The following SYNCRIP variants were observed in gnomAD, a reference collection of about 807,000 sequenced individuals.
SYNCRIP encodes the protein synaptotagmin binding cytoplasmic RNA interacting protein.
SYNCRIP carries 9 observed loss-of-function variants against 68.9 expected under a neutral mutation model. That is an observed-to-expected ratio of 0.13 (90% CI 0.08 to 0.23). SYNCRIP has a LOEUF of 0.23. Among genes scored for constraint, SYNCRIP ranks in the 10% least tolerant of loss-of-function variants. The pLI, the probability that SYNCRIP is intolerant of heterozygous loss-of-function variation, is 1.00. For synonymous variants in SYNCRIP, 258 were observed against 254.0 expected (o/e 1.02, Z -0.15); for missense variants, 414 against 770.6 (o/e 0.54, Z 5.48).
In SYNCRIP at chr6:85,641,385, A is replaced by T. The variant is rs749477779; in HGVS notation, c.55T>A (p.Ser19Thr). 11 of 1,613,102 alleles carry T rather than the reference A, an allele frequency of 6.8e-6. No individual in the cohort carries two copies. The highest frequency in any genetic ancestry group is 1.3e-5 in the African/African-American group (1 of 75,048). ...NGTEEPMDTT[S>T]AVIHSENFQT... is the part of the protein sequence containing the mutation. The stretch of plus-strand genomic sequence containing the variant: ...AAATTTTCTGAATGGATAACTGCAG[A>T]AGTAGTATCCATGGGCTCTTCAGTA... Residue 19 changes from serine to threonine, a missense_variant, in exon 2 of 11, where the codon TCT (serine) becomes ACT (threonine). Physicochemically the swap from Ser to Thr is moderately conservative, Grantham distance 58 (BLOSUM62 1). Coordinates refer to ENST00000369622, the MANE Select transcript of SYNCRIP (RefSeq NM_006372.5).
In SYNCRIP at chr6:85,629,516, C is replaced by CAAA. The variant is rs781083306; in HGVS notation, c.667-5407_667-5405dup. Among the ~76,000 whole-genome samples, 772 of 64,872 alleles carry CAAA rather than the reference C, an allele frequency of 0.012. 33 individuals are homozygous for CAAA. In the East Asian group the frequency reaches 0.12, roughly 10 times the overall value. 42.6% of individuals were successfully genotyped at this position (64,872 alleles called of 152,430 possible). A position where few individuals can be genotyped will look rare whatever the true frequency, so the allele number is the denominator to read the frequency against. On this transcript the variant is annotated intron_variant, in intron 6 of 10. Transcript: ENST00000369622. Reference sequence around the variant, plus strand: ...CAGCCTGGTCAACAAACTAAAAATACAAAAAAAAAAAAAAAAAAAAAAAAG... The same window carrying CAAA: ...CAGCCTGGTCAACAAACTAAAAATACAAAAAAAAAAAAAAAAAAAAAAAAAAAG...
intron 6 of SYNCRIP, among the ~76,000 whole-genome samples, chr6:85,628,089 T>A (rs553066202): frequency 6.6e-6 from 1 of 152,214 alleles, no homozygotes; most frequent in South Asian, 2.1e-4. Context: ...CGAGTCTCAC[T>A]CTGACACCCA....
At position 85,623,868 on chromosome 6, in the gene SYNCRIP, G is replaced by T. The variant is rs546862120; in HGVS notation, c.802+109C>A. 1.7e-4 allele frequency: 230 copies of T among 1,332,004 alleles called. 2 individuals are homozygous for T. In the South Asian group the frequency reaches 2.8e-3, roughly 16 times the overall value. The allele number at this position is 1,332,004 out of a possible 1,614,324, so 82.5% of individuals were successfully genotyped here. A position where few individuals can be genotyped will look rare whatever the true frequency, so the allele number is the denominator to read the frequency against. On this transcript the variant is annotated intron_variant, in intron 7 of 10. Coordinates refer to ENST00000369622, the MANE Select transcript of SYNCRIP (RefSeq NM_006372.5). The stretch of plus-strand genomic sequence containing the variant: ...ACCTACACTTCAAAAGTTGTAGTGA[G>T]GATTCGATGAGTCAATAAATGTATT...
At chr6:85,616,260 T>C (rs1015344696) in intron 10 of SYNCRIP, among the ~76,000 whole-genome samples, 1 of 152,248 alleles carries the variant, frequency 6.6e-6, no homozygotes, top group Non-Finnish European at 1.5e-5. Context: ...CCATGAAATA[T>C]GGAAATTAAT....
chr6:85,619,550 T>G, intron 8 of SYNCRIP, 133 bp from the exon 9 acceptor site: 1 of 717,730 alleles, frequency 1.4e-6, no homozygotes, highest in Non-Finnish European at 2.1e-6. Flanking sequence ...AAAAAAAAAG[T>G]TTTCAACTCC....
At chr6:85,613,748 T>C (rs959016080), downstream of SYNCRIP, among the ~76,000 whole-genome samples, 1 of 152,226 alleles carries the variant, frequency 6.6e-6, no homozygotes, top group Non-Finnish European at 1.5e-5. Flanking sequence ...CCTATTCCCA[T>C]TGTTTTCACA....
intron 8 of SYNCRIP, among the ~76,000 whole-genome samples, chr6:85,621,561 T>C (rs1045867334): frequency 6.1e-5 from 9 of 147,452 alleles, no homozygotes; most frequent in Admixed American, 4.1e-4. Flanking sequence ...GCTATGATCA[T>C]GCCCCTGAAC....
chr6:85,641,536 A>G, intron 1 of SYNCRIP, 85 bp from the exon 2 acceptor site: 1 of 1,327,662 alleles, frequency 7.5e-7, no homozygotes, highest in African/African-American at 1.5e-5. Context: ...TACTTTCTCT[A>G]CCATTTACTA....
At chr6:85,624,274 G>C (rs1002515262) in intron 6 of SYNCRIP, among the ~76,000 whole-genome samples, 162 bp from the exon 7 acceptor site, 1 of 152,034 alleles carries the variant, frequency 6.6e-6, no homozygotes, top group African/African-American at 2.4e-5. Context: ...AGACCCATTG[G>C]ACAAGTTCAT....
intron 4 of SYNCRIP, among the ~76,000 whole-genome samples, 185 bp from the exon 5 acceptor site, chr6:85,637,541 T>C (rs1371108522): frequency 1.3e-5 from 2 of 152,256 alleles, no homozygotes; most frequent in Admixed American, 6.5e-5. Flanking sequence ...CCTAAATTAT[T>C]ATCAGAAGTC....
rs1022830896 is a variant in SYNCRIP, at chr6:85,623,862, T to C, written c.802+115A>G. 13 of 1,258,566 alleles carry C rather than the reference T, an allele frequency of 1.0e-5. No individual in the cohort carries two copies. The African/African-American group carries it at 1.5e-4, about 15-fold the overall frequency. 78.0% of individuals were successfully genotyped at this position (1,258,566 alleles called of 1,614,324 possible). A position where few individuals can be genotyped will look rare whatever the true frequency, so the allele number is the denominator to read the frequency against. On this transcript the variant is annotated intron_variant, in intron 7 of 10. Transcript: ENST00000369622. ...GGGGTTACCTACACTTCAAAAGTTG[T>C]AGTGAGGATTCGATGAGTCAATAAA... is the stretch of plus-strand genomic sequence containing the variant.
intron 7 of SYNCRIP, among the ~76,000 whole-genome samples, 175 bp from the exon 8 acceptor site, chr6:85,622,862 C>G (rs1370691435): frequency 6.6e-6 from 1 of 152,182 alleles, no homozygotes; most frequent in Non-Finnish European, 1.5e-5. Context: ...TTTTCCTAAT[C>G]TGTTTCCAAG....
chr6:85,620,232 C>A (rs1806235230), intron 8 of SYNCRIP, among the ~76,000 whole-genome samples: 3 of 152,044 alleles, frequency 2.0e-5, no homozygotes. Flanking sequence ...GGTAACACAG[C>A]GAGACTCTGT....
At chr6:85,628,451 A>T (rs1807316303) in intron 6 of SYNCRIP, among the ~76,000 whole-genome samples, 1 of 152,232 alleles carries the variant, frequency 6.6e-6, no homozygotes, top group Admixed American at 6.5e-5. Context: ...AGCATTTCAT[A>T]TACCTGGCAC....
At chr6:85,612,703 A>C (rs1805340227), downstream of SYNCRIP, 4 of 526,446 alleles carry the variant, frequency 7.6e-6, no homozygotes, top group Non-Finnish European at 9.3e-6. Flanking sequence ...TTGTTAAAGA[A>C]ATTCATATCA....
chr6:85,637,429 A>C, intron 4 of SYNCRIP, 73 bp from the exon 5 acceptor site: 2 of 957,986 alleles, frequency 2.1e-6, no homozygotes, highest in Non-Finnish European at 3.2e-6. Flanking sequence ...GTTAACATCC[A>C]TCTTGCTCAA....
chr6:85,620,924 T>C (rs1258326823), intron 8 of SYNCRIP, among the ~76,000 whole-genome samples: 2 of 152,236 alleles, frequency 1.3e-5, no homozygotes, highest in African/African-American at 2.4e-5. Context: ...AAGAGAGTTA[T>C]TGAATGTTTA....
chr6:85,609,384 A>G (rs1002628959), downstream of SYNCRIP: 2 of 151,892 alleles, frequency 1.3e-5, no homozygotes, highest in African/African-American at 2.4e-5. Flanking sequence ...TGTTCATTCT[A>G]TTCTTTAAAA....
At chr6:85,633,174 T>C (rs1171748173) in intron 6 of SYNCRIP, among the ~76,000 whole-genome samples, 1 of 151,498 alleles carries the variant, frequency 6.6e-6, no homozygotes, top group Non-Finnish European at 1.5e-5. Flanking sequence ...GAGAATGGCG[T>C]GAACCCGGGA....
Sources: gnomAD v4.1 joint callset for allele counts (sites outside exome capture counted in the v4.1 genomes callset) on GRCh38, gnomAD v4.1.1 for gene constraint, MANE v1.5 for transcripts, NCBI Gene and HGNC (gene_info 2026-07-23, HGNC 2026-07-21) for gene names.